Variants in NKAIN2 observed in about 807,000 individuals in gnomAD.
NKAIN2 encodes the protein sodium/potassium-transporting ATPase subunit beta-1-interacting protein 2.
A neutral mutation model predicts 32.6 loss-of-function variants in NKAIN2; 14 were observed. That is an observed-to-expected ratio of 0.43 (90% CI 0.28 to 0.67). The LOEUF (loss-of-function observed/expected upper bound fraction) is 0.67, where lower values mean the gene tolerates loss of function less well. Ranked by LOEUF, NKAIN2 falls within the 30% of genes least tolerant of loss-of-function variation. NKAIN2 has a pLI of 0.17. For missense variants in NKAIN2, 198 were observed against 258.3 expected (o/e 0.77, Z 1.60); for synonymous variants, 80 against 87.2 (o/e 0.92, Z 0.46).
intron 3 of NKAIN2, among the ~76,000 whole-genome samples, chr6:124,635,038 G>T (rs528518648): frequency 6.8e-6 from 1 of 148,138 alleles, no homozygotes; most frequent in Admixed American, 6.8e-5. Flanking sequence ...AGGAAGAAGA[G>T]GAAGGAAGGA....
chr6:124,669,981 G>T (rs529771466), intron 4 of NKAIN2, among the ~76,000 whole-genome samples: 19 of 152,048 alleles, frequency 1.2e-4, no homozygotes, highest in Admixed American at 8.5e-4. Flanking sequence ...CTGAAGACTG[G>T]AATCATGCTG....
chr6:123,925,718 A>T (rs748786287), intron 1 of NKAIN2, among the ~76,000 whole-genome samples: 2 of 152,176 alleles, frequency 1.3e-5, no homozygotes, highest in African/African-American at 2.4e-5. Context: ...GGTGAACTTC[A>T]TTCTGCTCAT....
At chr6:124,643,582 C>T (rs1004976692) in intron 3 of NKAIN2, among the ~76,000 whole-genome samples, 1 of 152,110 alleles carries the variant, frequency 6.6e-6, no homozygotes, top group African/African-American at 2.4e-5. Context: ...TATATGCTAT[C>T]TTACTATCTT....
At chr6:123,988,874 A>T (rs918576632) in intron 1 of NKAIN2, among the ~76,000 whole-genome samples, 2 of 134,320 alleles carry the variant, frequency 1.5e-5, no homozygotes, top group Non-Finnish European at 3.2e-5. Context: ...GAACCTTAAG[A>T]GTGTGTGTGT....
intron 1 of NKAIN2, among the ~76,000 whole-genome samples, chr6:124,015,937 C>A (rs1348451407): frequency 6.6e-6 from 1 of 152,150 alleles, no homozygotes; most frequent in African/African-American, 2.4e-5. Flanking sequence ...ATCTGCCACC[C>A]ACTCTCCCAC....
chr6:123,989,374 G>A (rs1779316720), intron 1 of NKAIN2, among the ~76,000 whole-genome samples: 1 of 152,122 alleles, frequency 6.6e-6, no homozygotes, highest in East Asian at 1.9e-4. Context: ...GTAGTTCAAG[G>A]ACTTGAGCGA....
At chr6:124,490,556 C>T (rs1323265222) in intron 3 of NKAIN2, among the ~76,000 whole-genome samples, 4 of 151,334 alleles carry the variant, frequency 2.6e-5, no homozygotes, top group African/African-American at 9.7e-5. Context: ...TTGCTTTGTA[C>T]ATTATTCTTT....
intron 3 of NKAIN2, among the ~76,000 whole-genome samples, chr6:124,457,060 G>T (rs1268723669): frequency 6.6e-6 from 1 of 151,834 alleles, no homozygotes; most frequent in African/African-American, 2.4e-5. Flanking sequence ...CTGGATCAGG[G>T]TAAGTTGCAA....
chr6:124,166,284 T>C (rs1439359751), intron 1 of NKAIN2, among the ~76,000 whole-genome samples: 1 of 151,794 alleles, frequency 6.6e-6, no homozygotes, highest in Non-Finnish European at 1.5e-5. Flanking sequence ...TGAGCATTTT[T>C]TCATGTGTTT....
At chr6:124,766,956 G>T (rs138376906) in intron 4 of NKAIN2, among the ~76,000 whole-genome samples, 1 of 151,932 alleles carries the variant, frequency 6.6e-6, no homozygotes, top group Non-Finnish European at 1.5e-5. Context: ...GTGCAGTGGC[G>T]CCATCCTGGC....
intron 1 of NKAIN2, among the ~76,000 whole-genome samples, chr6:124,063,499 T>A (rs1215897909): frequency 1.3e-5 from 2 of 152,142 alleles, no homozygotes; most frequent in Non-Finnish European, 2.9e-5. Flanking sequence ...TTTCACCTTC[T>A]CTTTTTTCTA....
At chr6:124,735,753 G>T (rs972625165) in intron 4 of NKAIN2, among the ~76,000 whole-genome samples, 3 of 151,672 alleles carry the variant, frequency 2.0e-5, no homozygotes, top group African/African-American at 7.3e-5. Flanking sequence ...TGTTTTGGGG[G>T]TGCCACAATT....
In NKAIN2 at chr6:123,833,736, A is replaced by AT. The variant is rs1281889265; in HGVS notation, c.54+29497dup. On this transcript the variant is annotated intron_variant, in intron 1 of 6. Coordinates refer to ENST00000368417, the MANE Select transcript of NKAIN2 (RefSeq NM_001040214.3). ...GTGTGTGTGTGTGTGTTTCCTGTGG[A>AT]TTTTTTTTTTTTTTTGAGTCTCGCT... is the stretch of plus-strand genomic sequence containing the variant. Among the ~76,000 whole-genome samples, 603 of 72,338 alleles carry AT rather than the reference A, an allele frequency of 8.3e-3. 3 individuals are homozygous for AT. The highest frequency in any genetic ancestry group is 0.056 in the South Asian group (136 of 2,422). The allele number at this position is 72,338 out of a possible 152,430, so 47.5% of individuals were successfully genotyped here. A position where few individuals can be genotyped will look rare whatever the true frequency, so the allele number is the denominator to read the frequency against.
At chr6:124,117,193 A>T (rs1785656937) in intron 1 of NKAIN2, among the ~76,000 whole-genome samples, 1 of 152,170 alleles carries the variant, frequency 6.6e-6, no homozygotes, top group Non-Finnish European at 1.5e-5. Context: ...CTTATTTCAT[A>T]GAAAAATTCT....
chr6:124,028,125 G>A (rs1582953345), intron 1 of NKAIN2, among the ~76,000 whole-genome samples: 1 of 151,812 alleles, frequency 6.6e-6, no homozygotes, highest in East Asian at 1.9e-4. Flanking sequence ...TTTTTTCTTT[G>A]TTGGTCTTTT....
chr6:124,713,723 T>C (rs1168186835), intron 4 of NKAIN2, among the ~76,000 whole-genome samples: 1 of 152,172 alleles, frequency 6.6e-6, no homozygotes, highest in Non-Finnish European at 1.5e-5. Context: ...AGAAGAGGAA[T>C]AAGTTTACTC....
At chr6:124,061,842 A>C in intron 1 of NKAIN2, among the ~76,000 whole-genome samples, 1 of 152,182 alleles carries the variant, frequency 6.6e-6, no homozygotes, top group Admixed American at 6.5e-5. Flanking sequence ...AAGAAAACTT[A>C]GAAATGATAT....
At chr6:124,524,740 T>A (rs565204) in intron 3 of NKAIN2, among the ~76,000 whole-genome samples, 134,422 of 152,230 alleles carry the variant, frequency 0.88, 61,432 homozygotes, top group East Asian at 1. Context: ...TGTGCTTGTC[T>A]AACTCGCTAA....
At chr6:124,295,362 G>T (rs995732626) in intron 2 of NKAIN2, among the ~76,000 whole-genome samples, 3 of 151,810 alleles carry the variant, frequency 2.0e-5, no homozygotes, top group Non-Finnish European at 4.4e-5. Context: ...TTAGTCAAAG[G>T]CATGAGAAGC....
Sources: allele counts gnomAD v4.1 joint callset (sites outside exome capture counted in the v4.1 genomes callset), GRCh38; gene constraint gnomAD v4.1.1; transcripts MANE v1.5; gene names NCBI Gene and HGNC (gene_info 2026-07-23, HGNC 2026-07-21).